The following CATSPER3 variants were observed in gnomAD, a reference collection of about 807,000 sequenced individuals.
CATSPER3 encodes cation channel sperm associated 3.
CATSPER3 carries 23 observed loss-of-function variants against 36.6 expected under a neutral mutation model. The ratio of observed to expected loss-of-function variants is 0.63; its 90% CI spans 0.45 to 0.89. The LOEUF (loss-of-function observed/expected upper bound fraction) is 0.89, where lower values mean the gene tolerates loss of function less well. Ranked by LOEUF, CATSPER3 falls within the 40% of genes least tolerant of loss-of-function variation. The pLI is 0.00. For synonymous variants in CATSPER3, 172 were observed against 184.1 expected (o/e 0.93, Z 0.53); for missense variants, 474 against 503.9 (o/e 0.94, Z 0.57).
Position 134,992,285 on chromosome 5 carries a change from A to G in CATSPER3, c.253-3988A>G, listed in dbSNP as rs1412442506. Among the ~76,000 whole-genome samples, 3 of 152,220 alleles carry G rather than the reference A, an allele frequency of 2.0e-5. No homozygotes were observed. In the East Asian group the frequency reaches 5.8e-4, roughly 29 times the overall value. On this transcript the variant is annotated intron_variant, in intron 2 of 7. Transcript: ENST00000282611. ...CAATCTAAAAATGGGCAAAAGACTT[A>G]CATAGACATTTCTCCAAAGTAGATA...
chr5:135,005,912 A>G (rs1317571842), intron 3 of CATSPER3, among the ~76,000 whole-genome samples: 2 of 152,162 alleles, frequency 1.3e-5, no homozygotes, highest in East Asian at 3.9e-4. Flanking sequence ...CCCTCCAAGC[A>G]CTGGGCCTGG....
At chr5:134,969,867 A>G in intron 1 of CATSPER3, 72 bp from the exon 2 acceptor site, 1 of 1,507,052 alleles carries the variant, frequency 6.6e-7, no homozygotes. Context: ...TGTCCCTACA[A>G]AAAGGTATGC....
chr5:134,980,360 C>T (rs1353817956), intron 2 of CATSPER3, among the ~76,000 whole-genome samples: 1 of 148,804 alleles, frequency 6.7e-6, no homozygotes, highest in African/African-American at 2.5e-5. Flanking sequence ...CTCCCTCCCT[C>T]CTCTCTTCCT....
At chr5:135,007,853 A>G (rs1191217122) in intron 3 of CATSPER3, 104 bp from the exon 4 acceptor site, 3 of 525,496 alleles carry the variant, frequency 5.7e-6, no homozygotes, top group African/African-American at 2.3e-5. Flanking sequence ...AGGCATGGCA[A>G]CAGTTGCTGG....
chr5:134,981,901 G>A (rs1452288535), intron 2 of CATSPER3, among the ~76,000 whole-genome samples: 1 of 152,038 alleles, frequency 6.6e-6, no homozygotes, highest in Non-Finnish European at 1.5e-5. Flanking sequence ...AGGCTGAGGT[G>A]GGTGGATCAC....
intron 2 of CATSPER3, among the ~76,000 whole-genome samples, chr5:134,986,576 C>T (rs1397882770): frequency 6.6e-6 from 1 of 151,894 alleles, no homozygotes; most frequent in African/African-American, 2.4e-5. Context: ...ATTCTCCTGC[C>T]CCAGCCTCCT....
chr5:134,978,273 G>C (rs1049433623), intron 2 of CATSPER3, among the ~76,000 whole-genome samples: 3 of 152,110 alleles, frequency 2.0e-5, no homozygotes, highest in Non-Finnish European at 4.4e-5. Flanking sequence ...AATATGCGTT[G>C]TATACTTCAA....
chr5:134,969,686 G>A (rs1751578045), intron 1 of CATSPER3: 2 of 508,094 alleles, frequency 3.9e-6, no homozygotes, highest in African/African-American at 1.9e-5. Context: ...TGCTGGAGAA[G>A]GAGTGGTGAC....
chr5:134,980,172 G>C (rs2149546980), intron 2 of CATSPER3, among the ~76,000 whole-genome samples: 1 of 151,816 alleles, frequency 6.6e-6, no homozygotes, highest in African/African-American at 2.4e-5. Flanking sequence ...TGTAGAGATG[G>C]GGTCTCACTA....
intron 2 of CATSPER3, among the ~76,000 whole-genome samples, chr5:134,994,840 C>T (rs1044520071): frequency 6.6e-6 from 1 of 152,122 alleles, no homozygotes; most frequent in Non-Finnish European, 1.5e-5. Flanking sequence ...TTCTTCACTT[C>T]CTCAAAGTGT....
intron 3 of CATSPER3, 82 bp downstream of exon 3, chr5:134,996,594 T>G (rs1751953303): frequency 4.3e-6 from 6 of 1,386,088 alleles, no homozygotes; most frequent in Non-Finnish European, 6.1e-6. Context: ...AAATAATGAC[T>G]CTACTACCAT....
intron 3 of CATSPER3, among the ~76,000 whole-genome samples, chr5:134,997,924 G>GT (rs1490984112): frequency 3.3e-5 from 5 of 151,790 alleles, no homozygotes; most frequent in South Asian, 2.1e-4. Flanking sequence ...TTTTTTTGTT[G>GT]TTTTTTTAAA....
At chr5:134,977,282 T>C (rs934079853) in intron 2 of CATSPER3, among the ~76,000 whole-genome samples, 4 of 152,286 alleles carry the variant, frequency 2.6e-5, no homozygotes, top group Admixed American at 2.6e-4. Flanking sequence ...TCTCCTTTCC[T>C]CCCATATCTG....
chr5:135,008,832 C>G lies in CATSPER3; in HGVS notation c.676-9C>G, dbSNP rs1580916630. The G allele has an allele frequency of 6.2e-7, 1 of 1,613,982 alleles. No individual in the cohort carries two copies. On this transcript the variant is annotated splice_polypyrimidine_tract_variant and intron_variant, in intron 4 of 7. Coordinates refer to ENST00000282611, the MANE Select transcript of CATSPER3 (RefSeq NM_178019.3). ...TGGGCCCTCAGCATACTCTTCCCTG[C>G]CTGAGCAGGTTGATGGCTGGACAGA...
chr5:135,005,023 G>T (rs1435107364), intron 3 of CATSPER3, among the ~76,000 whole-genome samples: 1 of 152,144 alleles, frequency 6.6e-6, no homozygotes, highest in African/African-American at 2.4e-5. Context: ...AGGGCGGAGG[G>T]CAGGGGGCTG....
chr5:134,973,066 A>G (rs1751625666), intron 2 of CATSPER3, among the ~76,000 whole-genome samples: 1 of 152,234 alleles, frequency 6.6e-6, no homozygotes, highest in Admixed American at 6.5e-5. Flanking sequence ...AAGGACATAG[A>G]CAAATTCATC....
At chr5:134,995,923 A>G (rs967566606) in intron 2 of CATSPER3, 10 of 362,864 alleles carry the variant, frequency 2.8e-5, no homozygotes, top group African/African-American at 2.1e-4. Flanking sequence ...AAAAGTTTGT[A>G]TATTCATGTT....
chr5:135,000,088 T>C (rs1752001632), intron 3 of CATSPER3, among the ~76,000 whole-genome samples: 1 of 152,216 alleles, frequency 6.6e-6, no homozygotes, highest in African/African-American at 2.4e-5. Context: ...GTCCCATCAG[T>C]ACCTAATTTA....
At chr5:134,992,075 T>A (rs1437557376) in intron 2 of CATSPER3, among the ~76,000 whole-genome samples, 1 of 151,342 alleles carries the variant, frequency 6.6e-6, no homozygotes, top group Non-Finnish European at 1.5e-5. Flanking sequence ...TGAGCCATGG[T>A]CATGCCACTA....
Sources: gnomAD v4.1 joint callset for allele counts (sites outside exome capture counted in the v4.1 genomes callset) on GRCh38, gnomAD v4.1.1 for gene constraint, MANE v1.5 for transcripts, NCBI Gene and HGNC (gene_info 2026-07-23, HGNC 2026-07-21) for gene names.